Variants in ZNF713 observed in about 807,000 individuals in gnomAD.
ZNF713 encodes the protein zinc finger protein 713.
In ZNF713, 21 loss-of-function variants were observed where a neutral mutation model predicts 28.7. The ratio of observed to expected loss-of-function variants is 0.73; its 90% CI spans 0.52 to 1.05. The LOEUF is 1.05. Ranked by LOEUF, ZNF713 falls within the 50% of genes least tolerant of loss-of-function variation. ZNF713 has a pLI of 0.00. For synonymous variants in ZNF713, 167 were observed against 178.0 expected (o/e 0.94, Z 0.49); for missense variants, 458 against 532.4 (o/e 0.86, Z 1.37).
intron 1 of ZNF713, among the ~76,000 whole-genome samples, chr7:55,900,514 C>T (rs758241836): frequency 3.3e-5 from 5 of 152,008 alleles, no homozygotes; most frequent in African/African-American, 7.2e-5. Context: ...ACTATTCAGC[C>T]TTCAAAAAGA....
chr7:55,901,628 T>A (rs1021068026), intron 1 of ZNF713, among the ~76,000 whole-genome samples: 9 of 152,184 alleles, frequency 5.9e-5, no homozygotes, highest in African/African-American at 2.2e-4. Flanking sequence ...ACTTCCAGAT[T>A]GGTGAACACA....
chr7:55,913,070 C>G (rs1421462292), intron 4 of ZNF713, among the ~76,000 whole-genome samples: 1 of 152,086 alleles, frequency 6.6e-6, no homozygotes, highest in Non-Finnish European at 1.5e-5. Flanking sequence ...GATGCCGAGG[C>G]CCCTAGGACT....
At chr7:55,928,295 A>G (rs914746206) in intron 6 of ZNF713, among the ~76,000 whole-genome samples, 2 of 152,140 alleles carry the variant, frequency 1.3e-5, no homozygotes, top group African/African-American at 4.8e-5. Flanking sequence ...AAGGGTTTAT[A>G]GGACAGGGGT....
At position 55,887,781 on chromosome 7, in the gene ZNF713, CGGAGGCGGGGGGCGGA is replaced by C. The variant is rs1785286606; in HGVS notation, c.-583+104_-583+119del. Reference sequence around the variant, plus strand: ...GGAGGCGGGGGGCGGAGGCGGGGGGCGGAGGCGGGGGGCGGAGGCGGGGGGCGGCGGGCGGCGGGCG... The same window carrying C: ...GGAGGCGGGGGGCGGAGGCGGGGGGCGGCGGGGGGCGGCGGGCGGCGGGCG... On this transcript the variant is annotated intron_variant, in intron 1 of 6. Transcript: ENST00000429591. 3 of 686 alleles carry C rather than the reference CGGAGGCGGGGGGCGGA, an allele frequency of 4.4e-3. 1 individual carries two copies. The highest frequency in any genetic ancestry group is 0.036 in the South Asian group (1 of 28). The allele number at this position is 686 out of a possible 1,614,324, so 0.0% of individuals were successfully genotyped here.
At chr7:55,919,582 T>G (rs1194232039) in intron 4 of ZNF713, among the ~76,000 whole-genome samples, 2 of 138,760 alleles carry the variant, frequency 1.4e-5, no homozygotes, top group African/African-American at 2.7e-5. Flanking sequence ...CCTGGCTCAC[T>G]GCAACCTCCA....
At chr7:55,917,162 C>T (rs1008194094) in intron 4 of ZNF713, among the ~76,000 whole-genome samples, 36 of 151,368 alleles carry the variant, frequency 2.4e-4, no homozygotes, top group African/African-American at 8.0e-4. Context: ...TGCAGTGAGC[C>T]GAGATTGCGC....
chr7:55,900,519 A>G (rs576317950), intron 1 of ZNF713, among the ~76,000 whole-genome samples: 4 of 152,314 alleles, frequency 2.6e-5, no homozygotes, highest in Admixed American at 1.3e-4. Flanking sequence ...TCAGCCTTCA[A>G]AAAGAGGGAA....
chr7:55,917,944 G>T, intron 4 of ZNF713: 1 of 431,238 alleles, frequency 2.3e-6, no homozygotes, highest in South Asian at 1.7e-5. Flanking sequence ...TACACTGCTG[G>T]TGTGAATGTG....
At chr7:55,910,545 C>A (rs1194335449) in intron 2 of ZNF713, among the ~76,000 whole-genome samples, 1 of 151,888 alleles carries the variant, frequency 6.6e-6, no homozygotes, top group Non-Finnish European at 1.5e-5. Flanking sequence ...ACCCAGGCTT[C>A]AGTGCAGTGG....
intron 4 of ZNF713, among the ~76,000 whole-genome samples, chr7:55,913,719 G>T (rs1785830301): frequency 6.6e-6 from 1 of 152,124 alleles, no homozygotes; most frequent in African/African-American, 2.4e-5. Flanking sequence ...TATTTGCCAC[G>T]TGTCAGTTGC....
chr7:55,936,116 T>C (rs1257232811), intron 6 of ZNF713, among the ~76,000 whole-genome samples: 2 of 151,428 alleles, frequency 1.3e-5, no homozygotes, highest in African/African-American at 4.9e-5. Context: ...AATATAAAAA[T>C]TAGCCAGGCA....
At chr7:55,913,531 G>T (rs778253125) in intron 4 of ZNF713, among the ~76,000 whole-genome samples, 2 of 151,990 alleles carry the variant, frequency 1.3e-5, no homozygotes, top group African/African-American at 4.8e-5. Flanking sequence ...AATCTGATTC[G>T]GTATTATGTA....
chr7:55,894,680 G>A (rs530786338), intron 1 of ZNF713, among the ~76,000 whole-genome samples: 14 of 152,146 alleles, frequency 9.2e-5, no homozygotes, highest in Non-Finnish European at 1.8e-4. Context: ...TTCAAAAACT[G>A]TATGTCTAAC....
chr7:55,889,673 T>C (rs536659651), intron 1 of ZNF713, among the ~76,000 whole-genome samples: 9 of 149,198 alleles, frequency 6.0e-5, no homozygotes, highest in Admixed American at 2.0e-4. Flanking sequence ...GGCTTTGTCT[T>C]ACACCCATGC....
chr7:55,940,506 G>GA lies in ZNF713; in HGVS notation c.*506dup, dbSNP rs920736010. The GA allele has an allele frequency of 1.0e-6, 1 of 980,900 alleles. No individual in the cohort carries two copies. The highest frequency in any genetic ancestry group is 1.8e-5 in the African/African-American group (1 of 57,068). 60.8% of individuals were successfully genotyped at this position (980,900 alleles called of 1,614,324 possible). On this transcript the variant is annotated 3_prime_UTR_variant, in exon 7 of 7. Coordinates refer to ENST00000429591, the MANE Select transcript of ZNF713 (RefSeq NM_182633.3). ...ACATTCCCAGGAGGGGTTATAAAAA[G>GA]AAAAAATAATTTATTTTACAAATGA...
At chr7:55,914,203 G>T (rs377323415) in intron 4 of ZNF713, among the ~76,000 whole-genome samples, 1 of 151,632 alleles carries the variant, frequency 6.6e-6, no homozygotes, top group Non-Finnish European at 1.5e-5. Flanking sequence ...AAATATTTAA[G>T]ATCTCTTTTA....
chr7:55,905,087 C>T (rs1785655719), intron 1 of ZNF713, among the ~76,000 whole-genome samples: 1 of 152,196 alleles, frequency 6.6e-6, no homozygotes, highest in African/African-American at 2.4e-5. Flanking sequence ...CTAGATCCCA[C>T]TGTCTAGTGT....
At chr7:55,923,060 G>A in intron 4 of ZNF713, 102 bp from the exon 5 acceptor site, 1 of 1,332,726 alleles carries the variant, frequency 7.5e-7, no homozygotes, top group East Asian at 2.5e-5. Context: ...AAGACTATCA[G>A]CACAATGGCT....
At position 55,912,049 on chromosome 7, in the gene ZNF713, C is replaced by T. The variant is rs1785794543; in HGVS notation, c.-22C>T. The T allele has an allele frequency of 6.6e-6, 1 of 152,182 alleles. No homozygotes were observed. The highest frequency in any genetic ancestry group is 1.5e-5 in the Non-Finnish European group (1 of 68,120). 9.4% of individuals were successfully genotyped at this position (152,182 alleles called of 1,614,324 possible). ...GTGTAATCCCAGTGGAAGACTGAAT[C>T]GAGAGACTCAAAAAGGAAGGTAAAC... On this transcript the variant is annotated 5_prime_UTR_variant, in exon 3 of 7. Coordinates refer to ENST00000429591, the MANE Select transcript of ZNF713 (RefSeq NM_182633.3).
Sources: gnomAD v4.1 joint callset for allele counts (sites outside exome capture counted in the v4.1 genomes callset) on GRCh38, gnomAD v4.1.1 for gene constraint, MANE v1.5 for transcripts, NCBI Gene and HGNC (gene_info 2026-07-23, HGNC 2026-07-21) for gene names.